The following EMP1 variants were observed in gnomAD, a reference collection of about 807,000 sequenced individuals.
The protein encoded by EMP1 is tumor-associated membrane protein.
In EMP1, 5 loss-of-function variants were observed where a neutral mutation model predicts 15.7. That is an observed-to-expected ratio of 0.32 (90% confidence interval 0.17 to 0.67). The LOEUF (loss-of-function observed/expected upper bound fraction) is 0.67, where lower values mean the gene tolerates loss of function less well. Among genes scored for constraint, EMP1 ranks in the 30% least tolerant of loss-of-function variants. The pLI is 0.74. For missense variants in EMP1, 166 were observed against 194.2 expected (o/e 0.85, Z 0.86); for synonymous variants, 78 against 76.7 (o/e 1.02, Z -0.09).
rs547800678 is a variant in EMP1 at position 13,213,088 on chromosome 12, AAATGAAAC to A, written c.79-387_79-380del. Among the ~76,000 whole-genome samples the A allele has an allele frequency of 6.1e-4, 93 of 152,346 alleles. 1 individual carries two copies. In the South Asian group the frequency reaches 0.019, roughly 31 times the overall value. ...TTTTTTCCTGGTTAACCAGGGACTTAAATGAAACAATCTTGTTAGAGTATATGAACTGC... is the reference window on the plus strand; with the variant it reads ...TTTTTTCCTGGTTAACCAGGGACTTAAATCTTGTTAGAGTATATGAACTGC... On this transcript the variant is annotated intron_variant, in intron 2 of 4. Transcript: ENST00000256951.
At chr12:13,203,041 A>G (rs1864079929) in intron 1 of EMP1, among the ~76,000 whole-genome samples, 1 of 152,174 alleles carries the variant, frequency 6.6e-6, no homozygotes, top group Non-Finnish European at 1.5e-5. Context: ...TAAAGAACGA[A>G]TTGAAATGAA....
In EMP1 at chr12:13,212,865, T is replaced by C. The variant is rs950704454; in HGVS notation, c.79-614T>C. Among the ~76,000 whole-genome samples, 6 of 152,230 alleles carry C rather than the reference T, an allele frequency of 3.9e-5. 1 individual carries two copies. The highest frequency in any genetic ancestry group is 1.4e-4 in the African/African-American group (6 of 41,452). On this transcript the variant is annotated intron_variant, in intron 2 of 4. Transcript: ENST00000256951. ...CCATGATCAGTCTGGGGGAATCCAT[T>C]CAGGTCACCCTTCAGCTTTTAGTAG...
Position 13,211,739 on chromosome 12 carries a change from A to C in EMP1, c.78+151A>C. 3 of 764,698 alleles carry C rather than the reference A, an allele frequency of 3.9e-6. No individual in the cohort carries two copies. In the South Asian group the frequency reaches 5.1e-5, roughly 13 times the overall value. 47.4% of individuals were successfully genotyped at this position (764,698 alleles called of 1,614,324 possible). A position where few individuals can be genotyped will look rare whatever the true frequency, so the allele number is the denominator to read the frequency against. ...CAAAATAAACACACGCTTGCCCTTC[A>C]AACAATTAAATAACAGGAGGATAAA... is the stretch of plus-strand genomic sequence containing the variant. On this transcript the variant is annotated intron_variant, in intron 2 of 4. Coordinates refer to ENST00000256951, the MANE Select transcript of EMP1 (RefSeq NM_001423.3). This position sits in a 1 kb window ranked among gnomAD's most constrained non-coding sequence, Gnocchi z 4.7.
intron 1 of EMP1, among the ~76,000 whole-genome samples, chr12:13,208,600 T>C (rs1455778873): frequency 6.6e-6 from 1 of 152,200 alleles, no homozygotes; most frequent in African/African-American, 2.4e-5. Context: ...AGTGAAAAGA[T>C]GGAGAAGTTG....
chr12:13,213,412 T>G, intron 2 of EMP1, 67 bp from the exon 3 acceptor site: 16 of 1,392,498 alleles, frequency 1.1e-5, no homozygotes, highest in African/African-American at 1.4e-5. Flanking sequence ...TGCAAGCTGA[T>G]TTGTTATTTT....
chr12:13,199,638 T>C (rs1200616982), intron 1 of EMP1: 1 of 152,208 alleles, frequency 6.6e-6, no homozygotes, highest in Non-Finnish European at 1.5e-5. Context: ...ATCTAATTTT[T>C]ACACCATCTT....
intron 1 of EMP1, among the ~76,000 whole-genome samples, chr12:13,199,964 C>CTTTTTTT (rs60389913): frequency 1.4e-4 from 15 of 107,604 alleles, no homozygotes; most frequent in African/African-American, 2.5e-4. Flanking sequence ...TCTTCTTCTT[C>CTTTTTTT]TTTTTTTTTT....
chr12:13,203,575 C>T (rs1864085129), intron 1 of EMP1, among the ~76,000 whole-genome samples: 1 of 152,254 alleles, frequency 6.6e-6, no homozygotes, highest in African/African-American at 2.4e-5. Flanking sequence ...GCCAGAGAAG[C>T]ATAAAGCCCA....
At position 13,214,685 on chromosome 12, in the gene EMP1, G is replaced by T; in HGVS notation, c.468G>T (p.Lys156Asn). 6.2e-7 allele frequency: 1 copy of T among 1,608,838 alleles called. No individual in the cohort carries two copies. The highest frequency in any genetic ancestry group is 8.5e-7 in the Non-Finnish European group (1 of 1,177,170). Residue 156 changes from lysine to asparagine, a missense_variant, in exon 5 of 5, where the codon AAG (lysine) becomes AAT (asparagine). Transcript: ENST00000256951. ...GCGTTCTCTATCTGGTCCTGAGAAAGAAATAAGGCCGGACGAGTTCATGGG... is the reference window on the plus strand; with the variant it reads ...GCGTTCTCTATCTGGTCCTGAGAAATAAATAAGGCCGGACGAGTTCATGGG... Reference protein sequence around the residue: ...IIGVLYLVLRKK With the variant: ...IIGVLYLVLRNK
intron 4 of EMP1, 83 bp downstream of exon 4, chr12:13,213,904 C>T (rs1864190044): frequency 3.2e-6 from 5 of 1,574,300 alleles, no homozygotes; most frequent in Non-Finnish European, 4.3e-6. Context: ...AACAGATTAG[C>T]ACATGGTTCA....
At chr12:13,206,277 A>T (rs1344895477) in intron 1 of EMP1, among the ~76,000 whole-genome samples, 2 of 152,186 alleles carry the variant, frequency 1.3e-5, no homozygotes, top group Non-Finnish European at 2.9e-5. Flanking sequence ...TTAAGCTGCC[A>T]GGGAAATGCC....
intron 1 of EMP1, among the ~76,000 whole-genome samples, chr12:13,207,894 G>A (rs1415060544): frequency 6.6e-6 from 1 of 152,200 alleles, no homozygotes; most frequent in Non-Finnish European, 1.5e-5. Flanking sequence ...AATGAACGCT[G>A]TTATGAGCGT....
chr12:13,215,381 T>C lies in EMP1; in HGVS notation c.*690T>C, dbSNP rs1864205768. ...CCAGTCGAGACCTCACACACGGCTGTCCCTCATGGAGACCTCATGCCATGG... is the reference window on the plus strand; with the variant it reads ...CCAGTCGAGACCTCACACACGGCTGCCCCTCATGGAGACCTCATGCCATGG... On this transcript the variant is annotated 3_prime_UTR_variant, in exon 5 of 5. Transcript: ENST00000256951. The C allele has an allele frequency of 6.6e-6, 1 of 152,412 alleles. No homozygotes were observed. The highest frequency in any genetic ancestry group is 2.4e-5 in the African/African-American group (1 of 41,456). 9.4% of individuals were successfully genotyped at this position (152,412 alleles called of 1,614,324 possible).
At chr12:13,198,291 T>G (rs574662363) in intron 1 of EMP1, among the ~76,000 whole-genome samples, 1 of 152,288 alleles carries the variant, frequency 6.6e-6, no homozygotes, top group African/African-American at 2.4e-5. Flanking sequence ...CGGTTAGCAT[T>G]TTGGGTGAGT....
intron 1 of EMP1, among the ~76,000 whole-genome samples, chr12:13,202,245 A>C (rs1864072330): frequency 6.6e-6 from 1 of 152,126 alleles, no homozygotes; most frequent in African/African-American, 2.4e-5. Context: ...CCTGTGAAGA[A>C]TCTTTTGTCG....
chr12:13,207,911 A>G (rs775719711), intron 1 of EMP1, among the ~76,000 whole-genome samples: 2 of 152,210 alleles, frequency 1.3e-5, no homozygotes, highest in Non-Finnish European at 2.9e-5. Flanking sequence ...GCGTTCCCCT[A>G]CAACTTTGGA....
chr12:13,203,456 G>C (rs1864084128), intron 1 of EMP1, among the ~76,000 whole-genome samples: 1 of 152,240 alleles, frequency 6.6e-6, no homozygotes, highest in Admixed American at 6.5e-5. Flanking sequence ...GGACACGAAG[G>C]AGGACAAGCG....
At chr12:13,203,990 C>G (rs1422840514) in intron 1 of EMP1, among the ~76,000 whole-genome samples, 1 of 152,204 alleles carries the variant, frequency 6.6e-6, no homozygotes, top group East Asian at 1.9e-4. Context: ...ACCAACACGA[C>G]TTGCTGTATA....
At chr12:13,203,198 G>A (rs1284199960) in intron 1 of EMP1, among the ~76,000 whole-genome samples, 1 of 152,158 alleles carries the variant, frequency 6.6e-6, no homozygotes, top group Non-Finnish European at 1.5e-5. Flanking sequence ...CGCTGGGGCC[G>A]GGCCACACCT....
Sources: gnomAD v4.1 joint callset for allele counts (sites outside exome capture counted in the v4.1 genomes callset) on GRCh38, gnomAD v4.1.1 for gene constraint, Gnocchi (gnomAD v3.1) non-coding constraint, MANE v1.5 for transcripts, NCBI Gene and HGNC (gene_info 2026-07-23, HGNC 2026-07-21) for gene names.